Variants in UNC79 observed in about 807,000 individuals in gnomAD.
UNC79 encodes the protein protein unc-79 homolog.
UNC79 carries 37 observed loss-of-function variants against 283.1 expected under a neutral mutation model. The observed-to-expected ratio is 0.13, with a 90% CI of 0.10 to 0.17. The LOEUF (loss-of-function observed/expected upper bound fraction) is 0.17. Among genes scored for constraint, UNC79 ranks in the 10% least tolerant of loss-of-function variants. The pLI, the probability that UNC79 is intolerant of heterozygous loss-of-function variation, is 1.00. For synonymous variants in UNC79, 1,107 were observed against 1,200.2 expected, an observed-to-expected ratio of 0.92 and a Z score of 1.61; for missense variants, 2,272 against 3,211.1, an observed-to-expected ratio of 0.71 and a Z score of 7.07.
intron 1 of UNC79, among the ~76,000 whole-genome samples, chr14:93,466,697 G>C (rs1296517404): frequency 6.6e-6 from 1 of 152,214 alleles, no homozygotes; most frequent in Non-Finnish European, 1.5e-5. Flanking sequence ...ACTGCTGACA[G>C]TGAGCCATAC....
intron 41 of UNC79, among the ~76,000 whole-genome samples, chr14:93,677,883 C>T (rs183035827): frequency 5.3e-4 from 81 of 152,254 alleles, no homozygotes; most frequent in African/African-American, 1.8e-3. Flanking sequence ...CTCCTGACCT[C>T]GTGATATGCC....
At chr14:93,352,982 A>G (rs2054008333) in intron 1 of UNC79, among the ~76,000 whole-genome samples, 1 of 152,246 alleles carries the variant, frequency 6.6e-6, no homozygotes, top group African/African-American at 2.4e-5. Context: ...ACATAGACAT[A>G]CAATATGATA....
chr14:93,704,611 C>A lies in UNC79; in HGVS notation c.7549-14C>A. On this transcript the variant is annotated splice_polypyrimidine_tract_variant and intron_variant, in intron 47 of 48. Coordinates refer to ENST00000555664, the Ensembl canonical transcript of UNC79. ...AGGACACTAATAATGAAGCTTTTGT[C>A]TTTCTCTATACAGCTGATACCTATG... is the stretch of plus-strand genomic sequence containing the variant. 6.2e-7 allele frequency: 1 copy of A among 1,614,100 alleles called. No homozygotes were observed. Among genetic ancestry groups the A allele is most frequent in the Non-Finnish European group, 8.5e-7 (1 of 1,179,922 alleles).
At chr14:93,427,772 A>G (rs950868196), upstream of UNC79, among the ~76,000 whole-genome samples, 2 of 152,116 alleles carry the variant, frequency 1.3e-5, no homozygotes, top group African/African-American at 4.8e-5. Flanking sequence ...AATATAAAAT[A>G]TAAGGACATA....
At chr14:93,377,838 A>T (rs769988553) in intron 1 of UNC79, among the ~76,000 whole-genome samples, 5 of 152,202 alleles carry the variant, frequency 3.3e-5, no homozygotes, top group Non-Finnish European at 7.3e-5. Flanking sequence ...AGACCACCAG[A>T]ACAATTCCCC....
chr14:93,471,829 C>A (rs1051989451), intron 2 of UNC79, among the ~76,000 whole-genome samples: 5 of 151,924 alleles, frequency 3.3e-5, no homozygotes, highest in African/African-American at 1.2e-4. Flanking sequence ...TTCTTCCCTC[C>A]CTGCATGTAT....
intron 43 of UNC79, among the ~76,000 whole-genome samples, chr14:93,687,168 G>A (rs1307487973): frequency 3.9e-5 from 6 of 152,160 alleles, no homozygotes; most frequent in Admixed American, 6.5e-5. Context: ...AATAATGTAC[G>A]TGAAGAGACT....
chr14:93,422,719 C>T (rs938389708), intron 1 of UNC79, among the ~76,000 whole-genome samples: 2 of 151,948 alleles, frequency 1.3e-5, no homozygotes, highest in Non-Finnish European at 2.9e-5. Flanking sequence ...ATAAAATCAA[C>T]ATACAAAAAT....
intron 7 of UNC79, among the ~76,000 whole-genome samples, chr14:93,513,789 C>T (rs1311908964): frequency 6.6e-6 from 1 of 152,160 alleles, no homozygotes; most frequent in African/African-American, 2.4e-5. Context: ...CTGTTTGTAC[C>T]TGTTAACCAG....
chr14:93,381,356 C>T (rs980398416), intron 1 of UNC79, among the ~76,000 whole-genome samples: 5 of 152,140 alleles, frequency 3.3e-5, no homozygotes, highest in Non-Finnish European at 7.4e-5. Flanking sequence ...CATTTAAAGG[C>T]TAGTGAGAGG....
At chr14:93,545,386 A>T (rs1175311469) in intron 14 of UNC79, among the ~76,000 whole-genome samples, 11 of 152,190 alleles carry the variant, frequency 7.2e-5, no homozygotes, top group Admixed American at 7.2e-4. Context: ...CAGAACTCTT[A>T]AAAGGAATCT....
At chr14:93,614,341 G>A (rs1357683755) in intron 27 of UNC79, among the ~76,000 whole-genome samples, 2 of 149,138 alleles carry the variant, frequency 1.3e-5, no homozygotes, top group South Asian at 2.1e-4. Flanking sequence ...ATTTAGAGAC[G>A]GAGTCTCGCT....
At chr14:93,657,498 C>G (rs1230315651) in intron 38 of UNC79, among the ~76,000 whole-genome samples, 1 of 142,890 alleles carries the variant, frequency 7.0e-6, no homozygotes, top group East Asian at 2.0e-4. Flanking sequence ...ACTACAGGCG[C>G]CCACCACCAT....
chr14:93,372,502 A>G (rs1194893192), intron 1 of UNC79, among the ~76,000 whole-genome samples: 1 of 152,224 alleles, frequency 6.6e-6, no homozygotes. Context: ...AACCTCAACC[A>G]AGAGAAAGCA....
chr14:93,502,310 G>A (rs1422087436), intron 7 of UNC79, among the ~76,000 whole-genome samples: 1 of 152,150 alleles, frequency 6.6e-6, no homozygotes, highest in African/African-American at 2.4e-5. Context: ...CTACTCTGGA[G>A]GCTGAGGCAG....
intron 42 of UNC79, among the ~76,000 whole-genome samples, chr14:93,685,962 A>G (rs1232108501): frequency 6.6e-6 from 1 of 152,190 alleles, no homozygotes; most frequent in East Asian, 1.9e-4. Context: ...TCTTTTATTT[A>G]TCCCCTAGCA....
chr14:93,706,879 C>T, exon 49 of UNC79: 1 of 1,614,214 alleles, frequency 6.2e-7, no homozygotes, highest in Non-Finnish European at 8.5e-7. Context: ...TCCTCGGAAG[C>T]AGCCTCTCAA....
intron 1 of UNC79, among the ~76,000 whole-genome samples, chr14:93,404,332 A>AT (rs1481071271): frequency 6.7e-6 from 1 of 148,420 alleles, no homozygotes; most frequent in African/African-American, 2.5e-5. Flanking sequence ...AAAAATAAAA[A>AT]AAAAAAAATT....
intron 1 of UNC79, among the ~76,000 whole-genome samples, chr14:93,352,504 G>A (rs538517660): frequency 1.3e-5 from 2 of 152,232 alleles, no homozygotes; most frequent in South Asian, 4.1e-4. Context: ...TTGGGAAATG[G>A]TACCTTATTT....
Sources: allele counts gnomAD v4.1 joint callset (sites outside exome capture counted in the v4.1 genomes callset), GRCh38; gene constraint gnomAD v4.1.1; transcripts MANE v1.5; gene names NCBI Gene and HGNC (gene_info 2026-07-23, HGNC 2026-07-21).